The following CNTNAP2 variants were observed in gnomAD, a reference collection of about 807,000 sequenced individuals.
CNTNAP2 encodes contactin associated protein 2.
In CNTNAP2, 98 loss-of-function variants were observed where a neutral mutation model predicts 155.2. That is an observed-to-expected ratio of 0.63 (90% CI 0.54 to 0.75). CNTNAP2 has a LOEUF of 0.75. Ranked by LOEUF, CNTNAP2 falls within the 30% of genes least tolerant of loss-of-function variation. The pLI is 0.00. For missense variants in CNTNAP2, 1,727 were observed against 1,688.1 expected, an observed-to-expected ratio of 1.02 and a Z score of -0.40; for synonymous variants, 651 against 631.2, an observed-to-expected ratio of 1.03 and a Z score of -0.47.
At chr7:147,601,545 C>G (rs10257568) in intron 12 of CNTNAP2, among the ~76,000 whole-genome samples, 1,701 of 150,934 alleles carry the variant, frequency 0.011, 43 homozygotes, top group African/African-American at 0.039. Flanking sequence ...TGGATGTATA[C>G]GTGCAGGTCA....
At chr7:148,287,710 A>T (rs2116474041) in intron 21 of CNTNAP2, among the ~76,000 whole-genome samples, 1 of 151,970 alleles carries the variant, frequency 6.6e-6, no homozygotes, top group African/African-American at 2.4e-5. Context: ...TTGCTGTGTC[A>T]TGGCATGGTG....
At position 147,525,011 on chromosome 7, in the gene CNTNAP2, G is replaced by A. The variant is rs1167823146; in HGVS notation, c.1778-37127G>A. On this transcript the variant is annotated intron_variant, in intron 11 of 23. Coordinates refer to ENST00000361727, the MANE Select transcript of CNTNAP2 (RefSeq NM_014141.6). ...TCTTGTTAGCAGGCAAAGAAAGGATGGTGAAATCAGCTGTTGGTGAAATTC... is the reference window on the plus strand; with the variant it reads ...TCTTGTTAGCAGGCAAAGAAAGGATAGTGAAATCAGCTGTTGGTGAAATTC... Among the ~76,000 whole-genome samples, 4 of 152,224 alleles carry A rather than the reference G, an allele frequency of 2.6e-5. No individual in the cohort carries two copies. In the East Asian group the frequency reaches 5.8e-4, roughly 22 times the overall value.
intron 15 of CNTNAP2, among the ~76,000 whole-genome samples, chr7:148,092,817 T>A (rs573381947): frequency 6.8e-6 from 1 of 146,800 alleles, no homozygotes; most frequent in Non-Finnish European, 1.5e-5. Flanking sequence ...GTTTAAAGTA[T>A]GAAAATGATT....
intron 21 of CNTNAP2, among the ~76,000 whole-genome samples, chr7:148,333,851 C>G (rs377032618): frequency 4.0e-5 from 6 of 151,608 alleles, no homozygotes; most frequent in African/African-American, 1.5e-4. Flanking sequence ...CAAGGAATGC[C>G]AGTGTTGGAT....
At chr7:147,242,861 T>A (rs1442318252) in intron 8 of CNTNAP2, among the ~76,000 whole-genome samples, 1 of 152,138 alleles carries the variant, frequency 6.6e-6, no homozygotes, top group Non-Finnish European at 1.5e-5. Flanking sequence ...AAATCACTTA[T>A]GAGACACTGA....
intron 8 of CNTNAP2, among the ~76,000 whole-genome samples, chr7:147,138,848 T>C (rs2129286743): frequency 6.6e-6 from 1 of 152,152 alleles, no homozygotes; most frequent in East Asian, 1.9e-4. Context: ...TATAATAATT[T>C]TTTAAAATTC....
At chr7:146,427,256 T>C in intron 1 of CNTNAP2, among the ~76,000 whole-genome samples, 1 of 152,180 alleles carries the variant, frequency 6.6e-6, no homozygotes. Flanking sequence ...CTGGAAATGA[T>C]TTAATTCTCT....
rs58542052 is a variant in CNTNAP2 at position 148,412,617 on chromosome 7, G to A, written c.3797-2800G>A. ...CTTTTTTTGTATATTCCTCAGAATT[G>A]TCTACCTAGACAAGCATTTTATCTG... On this transcript the variant is annotated intron_variant, in intron 23 of 23. Coordinates refer to ENST00000361727, the MANE Select transcript of CNTNAP2 (RefSeq NM_014141.6). Among the ~76,000 whole-genome samples the A allele has an allele frequency of 8.7e-3, 1,323 of 152,252 alleles. 15 individuals are homozygous for A. The highest frequency in any genetic ancestry group is 0.029 in the African/African-American group (1,193 of 41,542).
At chr7:146,778,294 T>A (rs539791104) in intron 2 of CNTNAP2, among the ~76,000 whole-genome samples, 2 of 152,292 alleles carry the variant, frequency 1.3e-5, no homozygotes, top group East Asian at 3.9e-4. Context: ...AATGACAGAT[T>A]GTCACATATT....
intron 10 of CNTNAP2, among the ~76,000 whole-genome samples, chr7:147,432,578 T>G (rs1239761189): frequency 2.0e-5 from 3 of 152,216 alleles, no homozygotes; most frequent in Non-Finnish European, 4.4e-5. Context: ...AGCAAAGATT[T>G]GTCCAGTGAG....
At chr7:148,159,528 C>T (rs919489748) in intron 17 of CNTNAP2, among the ~76,000 whole-genome samples, 5 of 152,122 alleles carry the variant, frequency 3.3e-5, no homozygotes, top group African/African-American at 7.2e-5. Flanking sequence ...GTATTTACCA[C>T]GCATCATTTA....
chr7:147,350,703 A>C, intron 9 of CNTNAP2, among the ~76,000 whole-genome samples: 1 of 151,826 alleles, frequency 6.6e-6, no homozygotes, highest in African/African-American at 2.4e-5. Context: ...CATTCAGTAG[A>C]GAAAACAATA....
At chr7:147,740,991 C>A (rs531125751) in intron 13 of CNTNAP2, among the ~76,000 whole-genome samples, 2 of 152,306 alleles carry the variant, frequency 1.3e-5, no homozygotes, top group African/African-American at 4.8e-5. Flanking sequence ...TTTCCCACCC[C>A]CAATGGTCAT....
intron 11 of CNTNAP2, among the ~76,000 whole-genome samples, chr7:147,498,452 C>G (rs1410423774): frequency 6.6e-6 from 1 of 152,214 alleles, no homozygotes; most frequent in African/African-American, 2.4e-5. Context: ...TTCCACTGAA[C>G]AGAGGTCATT....
chr7:147,923,381 C>T (rs929300145), intron 14 of CNTNAP2, among the ~76,000 whole-genome samples: 3 of 152,106 alleles, frequency 2.0e-5, no homozygotes, highest in Admixed American at 1.3e-4. Context: ...GAGAACACCA[C>T]GTTGGGAGGG....
intron 12 of CNTNAP2, among the ~76,000 whole-genome samples, chr7:147,575,464 G>C (rs1239572911): frequency 7.0e-6 from 1 of 142,836 alleles, no homozygotes; most frequent in African/African-American, 2.6e-5. Context: ...CTAGCTTTAG[G>C]GGTGTATATA....
At chr7:147,307,802 G>A (rs1795058807) in intron 9 of CNTNAP2, among the ~76,000 whole-genome samples, 1 of 152,064 alleles carries the variant, frequency 6.6e-6, no homozygotes, top group African/African-American at 2.4e-5. Flanking sequence ...ATAGAACTAA[G>A]GCCTACATTC....
intron 10 of CNTNAP2, among the ~76,000 whole-genome samples, chr7:147,437,742 G>A (rs1420269029): frequency 1.3e-5 from 2 of 152,024 alleles, no homozygotes; most frequent in African/African-American, 2.4e-5. Flanking sequence ...TGCCATTGAT[G>A]TTTTGATAAG....
chr7:148,194,724 G>A (rs984940235), intron 18 of CNTNAP2, among the ~76,000 whole-genome samples: 4 of 152,012 alleles, frequency 2.6e-5, no homozygotes, highest in Non-Finnish European at 4.4e-5. Context: ...GGAGTCCCAG[G>A]GCATGAGAAG....
Sources: allele counts gnomAD v4.1 joint callset (sites outside exome capture counted in the v4.1 genomes callset), GRCh38; gene constraint gnomAD v4.1.1; transcripts MANE v1.5; gene names NCBI Gene and HGNC (gene_info 2026-07-23, HGNC 2026-07-21).